ATF7IP: variants seen among roughly 807,000 people sequenced by gnomAD.
ATF7IP encodes the protein activating transcription factor 7 interacting protein.
In ATF7IP, 23 loss-of-function variants were observed where a neutral mutation model predicts 106.4. The ratio of observed to expected loss-of-function variants is 0.22; its 90% confidence interval spans 0.16 to 0.31. The LOEUF (loss-of-function observed/expected upper bound fraction) is 0.31, where lower values mean the gene tolerates loss of function less well. Among genes scored for constraint, ATF7IP ranks in the 10% least tolerant of loss-of-function variants. The pLI, the probability that ATF7IP is intolerant of heterozygous loss-of-function variation, is 1.00. For missense variants in ATF7IP, 1,334 were observed against 1,524.3 expected (o/e 0.88, Z 2.08); for synonymous variants, 542 against 539.0 (o/e 1.01, Z -0.08).
At chr12:14,485,858 G>C (rs1944590488) in intron 13 of ATF7IP, among the ~76,000 whole-genome samples, 1 of 152,218 alleles carries the variant, frequency 6.6e-6, no homozygotes, top group Non-Finnish European at 1.5e-5. Context: ...CATTCTCCAT[G>C]ATCCATCTGT....
At chr12:14,435,386 G>A (rs1036813923) in intron 3 of ATF7IP, among the ~76,000 whole-genome samples, 8 of 152,206 alleles carry the variant, frequency 5.3e-5, no homozygotes, top group Admixed American at 5.2e-4. Flanking sequence ...ACATACAGAG[G>A]GATAGGCATG....
At chr12:14,444,993 T>TG (rs1555124202) in intron 5 of ATF7IP, among the ~76,000 whole-genome samples, 3 of 148,944 alleles carry the variant, frequency 2.0e-5, no homozygotes, top group Non-Finnish European at 3.0e-5. Context: ...CCACCTAGTT[T>TG]TTTTTTTTTT....
At chr12:14,384,166 A>G (rs915258811) in intron 1 of ATF7IP, among the ~76,000 whole-genome samples, 5 of 152,150 alleles carry the variant, frequency 3.3e-5, no homozygotes, top group African/African-American at 4.8e-5. Context: ...CTATATCCCT[A>G]TTACTCCCCT....
intron 8 of ATF7IP, 73 bp downstream of exon 8, chr12:14,457,368 T>C: frequency 8.8e-7 from 1 of 1,138,328 alleles, no homozygotes; most frequent in South Asian, 1.5e-5. Context: ...TCTTACATTC[T>C]TTTGAGGTTG....
chr12:14,368,197 A>G (rs1309164626), intron 1 of ATF7IP, among the ~76,000 whole-genome samples: 3 of 152,074 alleles, frequency 2.0e-5, no homozygotes, highest in Non-Finnish European at 4.4e-5. Flanking sequence ...CTCTAAAGGT[A>G]TTGGTGATTT....
intron 6 of ATF7IP, among the ~76,000 whole-genome samples, chr12:14,447,673 A>G (rs753012257): frequency 8.6e-5 from 13 of 151,954 alleles, no homozygotes; most frequent in Non-Finnish European, 1.3e-4. Flanking sequence ...TTCATTTTGC[A>G]TTCTTGTCAG....
intron 9 of ATF7IP, among the ~76,000 whole-genome samples, chr12:14,465,673 T>G (rs1022619731): frequency 6.6e-6 from 1 of 152,122 alleles, no homozygotes; most frequent in African/African-American, 2.4e-5. Context: ...TTAACCCAAC[T>G]TGATTTTTTA....
chr12:14,431,299 G>A (rs944088388), intron 2 of ATF7IP, among the ~76,000 whole-genome samples: 1 of 151,712 alleles, frequency 6.6e-6, no homozygotes, highest in Non-Finnish European at 1.5e-5. Flanking sequence ...ATGAAAACTT[G>A]CCAAATTGTG....
chr12:14,446,170 C>T (rs1032996837), intron 5 of ATF7IP, among the ~76,000 whole-genome samples: 1 of 151,318 alleles, frequency 6.6e-6, no homozygotes, highest in Admixed American at 6.6e-5. Context: ...TTTTTTGAGA[C>T]AGAGTCTAAC....
Position 14,437,829 on chromosome 12 carries a change from G to A in ATF7IP, c.1792-301G>A, listed in dbSNP as rs569389255. ...AGCACTTTGGGAGGCCGAGGCGGGC[G>A]GATCACGAGGTCAGGAGATCGAGAC... On this transcript the variant is annotated intron_variant, in intron 4 of 14. Transcript: ENST00000261168. 4.4e-3 allele frequency among the ~76,000 whole-genome samples: 670 copies of A among 152,116 alleles called. 4 individuals are homozygous for A. Among genetic ancestry groups the A allele is most frequent in the African/African-American group, 0.016 (644 of 41,528 alleles).
chr12:14,431,480 C>T (rs1261673161), intron 2 of ATF7IP, among the ~76,000 whole-genome samples: 7 of 151,612 alleles, frequency 4.6e-5, no homozygotes, highest in African/African-American at 1.7e-4. Flanking sequence ...CTGCAAGCTC[C>T]GCCTCCCGGG....
At chr12:14,423,677 C>T (rs1941666856) in intron 1 of ATF7IP, 1 of 279,534 alleles carries the variant, frequency 3.6e-6, no homozygotes, top group Non-Finnish European at 6.3e-6. Flanking sequence ...TGTCCCTTTT[C>T]CCCCTAATAC....
chr12:14,399,787 G>GT (rs775828540), intron 1 of ATF7IP, among the ~76,000 whole-genome samples: 10 of 152,146 alleles, frequency 6.6e-5, no homozygotes, highest in Middle Eastern at 3.4e-3. Context: ...ATTAGCTAGT[G>GT]TTTTTTGTGG....
chr12:14,475,703 A>T (rs1944238467), intron 10 of ATF7IP, among the ~76,000 whole-genome samples, 187 bp from the exon 11 acceptor site: 1 of 152,156 alleles, frequency 6.6e-6, no homozygotes, highest in Non-Finnish European at 1.5e-5. Context: ...CATATAGTAG[A>T]TGTTTAACAC....
chr12:14,443,337 A>G (rs1052574735), intron 5 of ATF7IP, among the ~76,000 whole-genome samples: 3 of 152,232 alleles, frequency 2.0e-5, no homozygotes, highest in Non-Finnish European at 2.9e-5. Context: ...TGAGACTTCC[A>G]TTAGATGAAG....
intron 1 of ATF7IP, among the ~76,000 whole-genome samples, chr12:14,423,085 C>T (rs1415178876): frequency 6.6e-6 from 1 of 152,082 alleles, no homozygotes; most frequent in Non-Finnish European, 1.5e-5. Context: ...GCCGTCCTGT[C>T]GTGTGTGCAG....
At chr12:14,385,553 CA>C (rs1427858665) in intron 1 of ATF7IP, among the ~76,000 whole-genome samples, 1 of 152,072 alleles carries the variant, frequency 6.6e-6, no homozygotes, top group Non-Finnish European at 1.5e-5. Context: ...ATTATGGAAA[CA>C]GTACATAGCA....
intron 10 of ATF7IP, among the ~76,000 whole-genome samples, chr12:14,467,547 T>C (rs1396929476): frequency 6.6e-6 from 1 of 152,192 alleles, no homozygotes; most frequent in Non-Finnish European, 1.5e-5. Context: ...ATTATAAGAT[T>C]GAGATACTTT....
intron 10 of ATF7IP, among the ~76,000 whole-genome samples, chr12:14,467,056 T>C (rs1943860597): frequency 1.3e-5 from 2 of 152,272 alleles, no homozygotes; most frequent in East Asian, 3.9e-4. Context: ...TCTGCTTGTT[T>C]ACTAGCACTT....
Sources: gnomAD v4.1 joint callset for allele counts (sites outside exome capture counted in the v4.1 genomes callset) on GRCh38, gnomAD v4.1.1 for gene constraint, MANE v1.5 for transcripts, NCBI Gene and HGNC (gene_info 2026-07-23, HGNC 2026-07-21) for gene names.